The following CTDSP2 variants were observed in gnomAD, a reference collection of about 807,000 sequenced individuals.
The protein encoded by CTDSP2 is carboxy-terminal domain RNA polymerase II polypeptide A small phosphatase 2.
Under a neutral mutation model 31.6 loss-of-function variants are expected in CTDSP2, and 9 were observed. The observed-to-expected ratio is 0.28, with a 90% confidence interval of 0.17 to 0.50. The LOEUF (loss-of-function observed/expected upper bound fraction) is 0.50. CTDSP2 is among the 20% of genes least tolerant of loss of function. The probability of loss-of-function intolerance (pLI) is 0.98; values close to 1 mark genes in which losing one functional copy is unlikely to be tolerated. For synonymous variants in CTDSP2, 134 were observed against 134.5 expected, an observed-to-expected ratio of 1.00 and a Z score of 0.03; for missense variants, 267 against 348.5, an observed-to-expected ratio of 0.77 and a Z score of 1.86.
chr12:57,824,519 T>G lies in CTDSP2; in HGVS notation c.412-200A>C, dbSNP rs1203779961. ...GCTGTACCCCTCACCAGGCTTCCAA[T>G]GGATCAGTGGTCCCAACCTCAACCT... On this transcript the variant is annotated intron_variant, in intron 5 of 7. Transcript: ENST00000398073. The G allele has an allele frequency of 9.0e-6, 6 of 664,072 alleles. No homozygotes were observed. The East Asian group carries it at 1.7e-4, about 19-fold the overall frequency. The allele number at this position is 664,072 out of a possible 1,614,324, so 41.1% of individuals were successfully genotyped here.
At position 57,820,358 on chromosome 12, in the gene CTDSP2, G is replaced by A. The variant is rs1055417608; in HGVS notation, c.*3244C>T. 3 of 152,232 alleles carry A rather than the reference G, an allele frequency of 2.0e-5. No homozygotes were observed. Among genetic ancestry groups the A allele is most frequent in the East Asian group, 1.9e-4 (1 of 5,198 alleles). The allele number at this position is 152,232 out of a possible 1,614,324, so 9.4% of individuals were successfully genotyped here. On this transcript the variant is annotated 3_prime_UTR_variant, in exon 8 of 8. Coordinates refer to ENST00000398073, the MANE Select transcript of CTDSP2 (RefSeq NM_005730.4). ...TAAACCCGTTTAGGAAAAAGGGACC[G>A]AGGGACAGCAGTGGTTAAGTAATCC...
chr12:57,830,950 G>A (rs1019511492), intron 1 of CTDSP2, among the ~76,000 whole-genome samples: 2 of 151,234 alleles, frequency 1.3e-5, no homozygotes, highest in African/African-American at 2.4e-5. Context: ...GTTTCTCCAC[G>A]TTGGTCAGGC....
chr12:57,826,488 C>A, intron 4 of CTDSP2, 86 bp from the exon 5 acceptor site: 1 of 1,362,144 alleles, frequency 7.3e-7, no homozygotes, highest in African/African-American at 1.4e-5. Flanking sequence ...TGGGGAGAAA[C>A]AGGTCTTAAA....
At chr12:57,842,198 A>G (rs886925727) in intron 1 of CTDSP2, 1 of 152,224 alleles carries the variant, frequency 6.6e-6, no homozygotes, top group Non-Finnish European at 1.5e-5. Context: ...ACAATCCCAT[A>G]TATATTTACA....
At chr12:57,839,647 G>C (rs1156583912) in intron 1 of CTDSP2, among the ~76,000 whole-genome samples, 2 of 152,126 alleles carry the variant, frequency 1.3e-5, no homozygotes, top group Admixed American at 6.5e-5. Context: ...AGACCCAGGA[G>C]GTGGAGCTTG....
chr12:57,834,294 G>A (rs1489245985), intron 1 of CTDSP2, among the ~76,000 whole-genome samples: 1 of 152,162 alleles, frequency 6.6e-6, no homozygotes, highest in Non-Finnish European at 1.5e-5. Flanking sequence ...CTCCCAAGTA[G>A]CTAGGACTAC....
chr12:57,830,347 T>C (rs1488839259), intron 1 of CTDSP2, among the ~76,000 whole-genome samples: 1 of 152,060 alleles, frequency 6.6e-6, no homozygotes, highest in Non-Finnish European at 1.5e-5. Flanking sequence ...ATCGCGCCAC[T>C]GCACTCCAGC....
At chr12:57,839,547 T>A (rs1331842247) in intron 1 of CTDSP2, among the ~76,000 whole-genome samples, 1 of 151,972 alleles carries the variant, frequency 6.6e-6, no homozygotes. Flanking sequence ...TGAAACCGCG[T>A]CTCTACTAAA....
rs1479309127 is a variant in CTDSP2 at position 57,822,343 on chromosome 12, A to G, written c.*1259T>C. On this transcript the variant is annotated 3_prime_UTR_variant, in exon 8 of 8. Transcript: ENST00000398073. The stretch of plus-strand genomic sequence containing the variant: ...CCCAGAGTGCAGGTCTGAGGGGCTC[A>G]CTCACTCCTGTTACCAGAGGCAGAA... 2 of 152,248 alleles carry G rather than the reference A, an allele frequency of 1.3e-5. No individual in the cohort carries two copies. The highest frequency in any genetic ancestry group is 6.5e-5 in the Admixed American group (1 of 15,278). 9.4% of individuals were successfully genotyped at this position (152,248 alleles called of 1,614,324 possible).
rs117442488 is a variant in CTDSP2 at position 57,840,244 on chromosome 12, A to G, written c.64+6128T>C. On this transcript the variant is annotated intron_variant, in intron 1 of 7. Coordinates refer to ENST00000398073, the MANE Select transcript of CTDSP2 (RefSeq NM_005730.4). ...AGGTGGGGGGTCTGTATTTTTAGCA[A>G]GTGTCACAGGAGACTCTGATGTGTG... is the stretch of plus-strand genomic sequence containing the variant. Among the ~76,000 whole-genome samples, 16 of 152,306 alleles carry G rather than the reference A, an allele frequency of 1.1e-4. No individual in the cohort carries two copies. The East Asian group carries it at 2.3e-3, about 22-fold the overall frequency.
Position 57,846,610 on chromosome 12 carries a change from A to T in CTDSP2, c.-175T>A. 1 of 531,202 alleles carries T rather than the reference A, an allele frequency of 1.9e-6. No homozygotes were observed. The highest frequency in any genetic ancestry group is 3.1e-6 in the Non-Finnish European group (1 of 323,692). The allele number at this position is 531,202 out of a possible 1,614,324, so 32.9% of individuals were successfully genotyped here. ...CGGACCGGGAAGGGAGGCGGCCTGT[A>T]CAAAGGGCGGGCGGCCCGGGCAGCG... is the stretch of plus-strand genomic sequence containing the variant. On this transcript the variant is annotated 5_prime_UTR_variant, in exon 1 of 8. Coordinates refer to ENST00000398073, the MANE Select transcript of CTDSP2 (RefSeq NM_005730.4).
intron 5 of CTDSP2, 120 bp from the exon 6 acceptor site, chr12:57,824,439 G>T (rs1424441347): frequency 1.3e-6 from 1 of 781,336 alleles, no homozygotes; most frequent in Non-Finnish European, 2.2e-6. Flanking sequence ...CAGCCTCCTG[G>T]GCTACCTGGC....
intron 1 of CTDSP2, among the ~76,000 whole-genome samples, chr12:57,835,269 G>A (rs1271492559): frequency 3.3e-5 from 5 of 151,996 alleles, no homozygotes; most frequent in South Asian, 2.1e-4. Flanking sequence ...CGGAGGCTGC[G>A]GTGAGCCAAG....
rs1956137903 is a variant in CTDSP2 at position 57,820,423 on chromosome 12, T to C, written c.*3179A>G. ...GGGGAAAATGGACTTACCTTTCTCA[T>C]ATACTTGGCCTGGCTAGGACACTGG... On this transcript the variant is annotated 3_prime_UTR_variant, in exon 8 of 8. Transcript: ENST00000398073. The C allele has an allele frequency of 1.3e-5, 2 of 152,240 alleles. 1 individual carries two copies. Among genetic ancestry groups the C allele is most frequent in the South Asian group, 4.1e-4 (2 of 4,832 alleles). The allele number at this position is 152,240 out of a possible 1,614,324, so 9.4% of individuals were successfully genotyped here. A position where few individuals can be genotyped will look rare whatever the true frequency, so the allele number is the denominator to read the frequency against.
chr12:57,834,914 G>T (rs1444811429), intron 1 of CTDSP2, among the ~76,000 whole-genome samples: 1 of 152,128 alleles, frequency 6.6e-6, no homozygotes, highest in Admixed American at 6.5e-5. Flanking sequence ...CCTGAGGTTG[G>T]CAGTTTGAAA....
At chr12:57,832,224 G>A (rs1956220177) in intron 1 of CTDSP2, among the ~76,000 whole-genome samples, 1 of 152,026 alleles carries the variant, frequency 6.6e-6, no homozygotes, top group Non-Finnish European at 1.5e-5. Flanking sequence ...AAAATGACTG[G>A]GGCTTTCCAG....
At chr12:57,831,558 T>TA (rs1956216019) in intron 1 of CTDSP2, among the ~76,000 whole-genome samples, 1 of 152,108 alleles carries the variant, frequency 6.6e-6, no homozygotes, top group Non-Finnish European at 1.5e-5. Flanking sequence ...GGCCAGGAGG[T>TA]GGCACTGCAC....
At position 57,839,445 on chromosome 12, in the gene CTDSP2, A is replaced by G. The variant is rs139516818; in HGVS notation, c.64+6927T>C. The stretch of plus-strand genomic sequence containing the variant: ...TAAAAGGTGAAATGTTAGGCCGGGC[A>G]CGGTGGCTCAAGCCTGTAATCCCAG... On this transcript the variant is annotated intron_variant, in intron 1 of 7. Coordinates refer to ENST00000398073, the MANE Select transcript of CTDSP2 (RefSeq NM_005730.4). Among the ~76,000 whole-genome samples, 835 of 152,342 alleles carry G rather than the reference A, an allele frequency of 5.5e-3. 3 individuals carry two copies. The highest frequency in any genetic ancestry group is 0.016 in the African/African-American group (663 of 41,584).
At position 57,843,344 on chromosome 12, in the gene CTDSP2, G is replaced by A. The variant is rs56218802; in HGVS notation, c.64+3028C>T. ...TTAACATTTCTTTTTTCTTTTTGAT[G>A]TTACACACAATCCTGTCCTTGCTGT... On this transcript the variant is annotated intron_variant, in intron 1 of 7. Coordinates refer to ENST00000398073, the MANE Select transcript of CTDSP2 (RefSeq NM_005730.4). 9.3e-3 allele frequency among the ~76,000 whole-genome samples: 1,409 copies of A among 152,006 alleles called. 24 individuals are homozygous for A. The highest frequency in any genetic ancestry group is 0.033 in the African/African-American group (1,357 of 41,466).
Sources: allele counts gnomAD v4.1 joint callset (sites outside exome capture counted in the v4.1 genomes callset), GRCh38; gene constraint gnomAD v4.1.1; transcripts MANE v1.5; gene names NCBI Gene and HGNC (gene_info 2026-07-23, HGNC 2026-07-21).